The following PRKCH variants were observed in gnomAD, a reference collection of about 807,000 sequenced individuals.
PRKCH encodes protein kinase C eta, also known as protein kinase C eta type.
In PRKCH, 28 loss-of-function variants were observed where a neutral mutation model predicts 82.5. The ratio of observed to expected loss-of-function variants is 0.34; its 90% CI spans 0.25 to 0.47. The LOEUF (loss-of-function observed/expected upper bound fraction) is 0.47. Ranked by LOEUF, PRKCH falls within the 20% of genes least tolerant of loss-of-function variation. PRKCH has a pLI of 1.00. For missense variants in PRKCH, 705 were observed against 881.8 expected (o/e 0.80, Z 2.54); for synonymous variants, 322 against 327.4 (o/e 0.98, Z 0.18).
intron 1 of PRKCH, among the ~76,000 whole-genome samples, chr14:61,389,615 C>T (rs970308872): frequency 6.6e-6 from 1 of 151,372 alleles, no homozygotes; most frequent in African/African-American, 2.4e-5. Context: ...GCAGGAGAAT[C>T]GCTTGAGGCT....
At chr14:61,188,267 G>C (rs1374650192) in intron 1 of PRKCH, among the ~76,000 whole-genome samples, 1 of 152,240 alleles carries the variant, frequency 6.6e-6, no homozygotes. Flanking sequence ...AGAGGGCAGA[G>C]GGGAGGGGAG....
In PRKCH at chr14:61,549,941, C is replaced by A; in HGVS notation, c.*110C>A. 8.3e-7 allele frequency: 1 copy of A among 1,210,432 alleles called. No homozygotes were observed. The highest frequency in any genetic ancestry group is 1.1e-6 in the Non-Finnish European group (1 of 871,288). 75.0% of individuals were successfully genotyped at this position (1,210,432 alleles called of 1,614,324 possible). A position where few individuals can be genotyped will look rare whatever the true frequency, so the allele number is the denominator to read the frequency against. On this transcript the variant is annotated 3_prime_UTR_variant, in exon 14 of 14. Coordinates refer to ENST00000332981, the MANE Select transcript of PRKCH (RefSeq NM_006255.5). ...ATCAGCCTTAGAACAAGAACCTTAC[C>A]TTCAAGGAGCAAGTGAAGAACTCTG...
chr14:61,328,416 C>A (rs2045731948), intron 1 of PRKCH, among the ~76,000 whole-genome samples: 2 of 124,856 alleles, frequency 1.6e-5, no homozygotes, highest in Non-Finnish European at 3.5e-5. Context: ...TAACGTTTTT[C>A]ACTTATAATT....
At chr14:61,472,844 G>T (rs1413273604) in intron 9 of PRKCH, among the ~76,000 whole-genome samples, 1 of 152,224 alleles carries the variant, frequency 6.6e-6, no homozygotes, top group Non-Finnish European at 1.5e-5. Flanking sequence ...AATGGTATTA[G>T]TGTACTTATC....
intron 1 of PRKCH, among the ~76,000 whole-genome samples, chr14:61,325,646 G>A (rs986710796): frequency 2.0e-5 from 3 of 152,102 alleles, no homozygotes; most frequent in Non-Finnish European, 4.4e-5. Context: ...TTGCTTCCCA[G>A]AGAATGTTTA....
intron 1 of PRKCH, among the ~76,000 whole-genome samples, chr14:61,188,715 GTGTGTGTGTGTGT>G (rs2044387577): frequency 1.4e-5 from 2 of 146,552 alleles, no homozygotes; most frequent in Non-Finnish European, 3.0e-5. Flanking sequence ...GTGTGTGTGT[GTGTGTGTGTGTGT>G]GTGTGTGTGT....
rs1229369618 is a variant in PRKCH, at chr14:61,207,641, G to A, written c.-19+19973G>A. 2.0e-5 allele frequency among the ~76,000 whole-genome samples: 3 copies of A among 149,648 alleles called. No homozygotes were observed. The East Asian group carries it at 5.8e-4, about 29-fold the overall frequency. ...TCCATTAAGAGCTACTATTTATTGG[G>A]TACCTAGTGTCTGCTAAGGGCTATG... is the stretch of plus-strand genomic sequence containing the variant. On this transcript the variant is annotated intron_variant, in intron 1 of 3. Coordinates refer to the PRKCH transcript ENST00000555185.
At chr14:61,452,172 TTGG>T (rs1284929763) in intron 6 of PRKCH, among the ~76,000 whole-genome samples, 2 of 152,170 alleles carry the variant, frequency 1.3e-5, no homozygotes, top group Non-Finnish European at 2.9e-5. Context: ...TTATGGTCAC[TTGG>T]TGGTTTTGAA....
chr14:61,386,977 G>T (rs983711947), intron 1 of PRKCH, among the ~76,000 whole-genome samples: 22 of 152,332 alleles, frequency 1.4e-4, no homozygotes, highest in Admixed American at 1.3e-4. Context: ...TGATCTAAGG[G>T]TTTAAATGAT....
At chr14:61,539,390 C>T (rs372712296) in intron 12 of PRKCH, among the ~76,000 whole-genome samples, 1 of 152,116 alleles carries the variant, frequency 6.6e-6, no homozygotes, top group East Asian at 1.9e-4. Flanking sequence ...TGCCCCTGCC[C>T]GCTAGAGGAA....
intron 1 of PRKCH, among the ~76,000 whole-genome samples, chr14:61,314,627 G>A (rs1157536600): frequency 1.3e-5 from 2 of 152,180 alleles, no homozygotes; most frequent in Non-Finnish European, 2.9e-5. Flanking sequence ...CCTGGAATCT[G>A]TCTTACTTAA....
chr14:61,293,668 A>G (rs2045382461), intron 1 of PRKCH, among the ~76,000 whole-genome samples: 1 of 152,204 alleles, frequency 6.6e-6, no homozygotes, highest in Non-Finnish European at 1.5e-5. Context: ...TTAGAGTTTT[A>G]TTTAGCTAGA....
At chr14:61,233,175 G>C (rs1484697701) in intron 1 of PRKCH, among the ~76,000 whole-genome samples, 2 of 152,076 alleles carry the variant, frequency 1.3e-5, no homozygotes, top group Non-Finnish European at 2.9e-5. Flanking sequence ...ATCTTATCAG[G>C]TTCCAAAAGC....
intron 10 of PRKCH, chr14:61,492,082 T>C (rs1375053621): frequency 1.3e-5 from 2 of 152,212 alleles, no homozygotes; most frequent in African/African-American, 2.4e-5. Flanking sequence ...CAAACGCAGA[T>C]AGATGCCCAG....
intron 1 of PRKCH, among the ~76,000 whole-genome samples, chr14:61,257,949 A>G (rs147254001): frequency 1.3e-5 from 2 of 150,536 alleles, no homozygotes; most frequent in East Asian, 2.0e-4. Context: ...CCACTCTGGA[A>G]CTAATTATAT....
chr14:61,372,687 C>T (rs985639488), intron 1 of PRKCH, among the ~76,000 whole-genome samples: 2 of 152,056 alleles, frequency 1.3e-5, no homozygotes, highest in African/African-American at 4.8e-5. Context: ...CATCTTTTCC[C>T]TCACTTCTTT....
At chr14:61,231,879 G>A (rs985444339) in intron 1 of PRKCH, among the ~76,000 whole-genome samples, 2 of 152,028 alleles carry the variant, frequency 1.3e-5, no homozygotes, top group African/African-American at 4.8e-5. Context: ...TCACCACACA[G>A]TCACACAACA....
intron 1 of PRKCH, among the ~76,000 whole-genome samples, chr14:61,241,613 G>A (rs1296830689): frequency 1.3e-5 from 2 of 152,134 alleles, no homozygotes; most frequent in African/African-American, 4.8e-5. Flanking sequence ...GTATTTTACT[G>A]TAGCACAATG....
intron 1 of PRKCH, among the ~76,000 whole-genome samples, chr14:61,250,122 C>CGG (rs1467569082): frequency 4.6e-5 from 7 of 150,578 alleles, no homozygotes; most frequent in Non-Finnish European, 1.0e-4. Context: ...TAGGCAGGCA[C>CGG]GGTCGTGGGC....
Sources: allele counts gnomAD v4.1 joint callset (sites outside exome capture counted in the v4.1 genomes callset), GRCh38; gene constraint gnomAD v4.1.1; transcripts MANE v1.5; gene names NCBI Gene and HGNC (gene_info 2026-07-23, HGNC 2026-07-21).